Variants in PLD5 observed in about 807,000 individuals in gnomAD.
PLD5 encodes inactive phospholipase D5.
PLD5 carries 36 observed loss-of-function variants against 61.1 expected under a neutral mutation model. The observed-to-expected ratio is 0.59, with a 90% CI of 0.45 to 0.78. The LOEUF (loss-of-function observed/expected upper bound fraction) is 0.78. PLD5 is among the 30% of genes least tolerant of loss of function. The probability of loss-of-function intolerance (pLI) is 0.00; values close to 1 mark genes in which losing one functional copy is unlikely to be tolerated. For missense variants in PLD5, 515 were observed against 644.4 expected (o/e 0.80, Z 2.17); for synonymous variants, 243 against 242.8 (o/e 1.00, Z -0.01).
intron 1 of PLD5, among the ~76,000 whole-genome samples, chr1:242,387,293 G>T (rs1002824999): frequency 6.6e-6 from 1 of 152,130 alleles, no homozygotes; most frequent in East Asian, 1.9e-4. Flanking sequence ...AAATAGTCAA[G>T]ATCCTCCTGA....
chr1:242,400,771 T>C (rs542919247), intron 1 of PLD5, among the ~76,000 whole-genome samples: 6 of 152,186 alleles, frequency 3.9e-5, no homozygotes, highest in Admixed American at 3.3e-4. Flanking sequence ...TATATGCCCA[T>C]GTGCATAAGC....
chr1:242,127,027 A>G (rs2148742677), intron 5 of PLD5, among the ~76,000 whole-genome samples: 1 of 152,362 alleles, frequency 6.6e-6, no homozygotes, highest in Admixed American at 6.5e-5. Context: ...GAAGATATAC[A>G]AATGGCCAAC....
intron 5 of PLD5, among the ~76,000 whole-genome samples, chr1:242,159,897 T>C (rs1665688798): frequency 1.3e-5 from 2 of 152,218 alleles, no homozygotes; most frequent in Non-Finnish European, 2.9e-5. Flanking sequence ...AACTCTAAGA[T>C]TGGGTGCTAT....
intron 5 of PLD5, among the ~76,000 whole-genome samples, chr1:242,219,169 T>C (rs1670407123): frequency 6.6e-6 from 1 of 152,230 alleles, no homozygotes; most frequent in Non-Finnish European, 1.5e-5. Context: ...TAAGCAATGC[T>C]TTATGTCACA....
intron 1 of PLD5, among the ~76,000 whole-genome samples, chr1:242,509,585 G>T (rs2102999163): frequency 6.6e-6 from 1 of 152,234 alleles, no homozygotes; most frequent in East Asian, 1.9e-4. Context: ...TTTTGTTAAA[G>T]AAAATGGGCA....
chr1:242,120,450 G>C (rs1293709875), intron 6 of PLD5, among the ~76,000 whole-genome samples: 1 of 150,624 alleles, frequency 6.6e-6, no homozygotes, highest in Non-Finnish European at 1.5e-5. Flanking sequence ...ACCATGCCCA[G>C]CCTGAATTGT....
intron 1 of PLD5, among the ~76,000 whole-genome samples, chr1:242,512,100 G>C (rs1490647453): frequency 1.3e-5 from 2 of 151,960 alleles, no homozygotes; most frequent in Admixed American, 6.6e-5. Flanking sequence ...ATCAAGGCTG[G>C]CCGGCCTTTA....
At chr1:242,329,174 C>T (rs1048383281) in intron 2 of PLD5, among the ~76,000 whole-genome samples, 8 of 152,164 alleles carry the variant, frequency 5.3e-5, no homozygotes, top group African/African-American at 1.4e-4. Context: ...CCACACCTGG[C>T]TAATTTTTAT....
chr1:242,414,549 T>A (rs1664721150), intron 1 of PLD5, among the ~76,000 whole-genome samples: 1 of 152,180 alleles, frequency 6.6e-6, no homozygotes, highest in Non-Finnish European at 1.5e-5. Context: ...AAGGAAAGAT[T>A]AGAGACTAAG....
chr1:242,246,800 CCTGAGAAAGCGTG>C (rs1237706891), intron 4 of PLD5, among the ~76,000 whole-genome samples: 10 of 151,994 alleles, frequency 6.6e-5, no homozygotes, highest in African/African-American at 9.7e-5. Flanking sequence ...CTCAAGACGT[CCTGAGAAAGCGTG>C]CTTGCAGTGG....
intron 2 of PLD5, among the ~76,000 whole-genome samples, chr1:242,335,928 G>T (rs968260857): frequency 1.3e-5 from 2 of 152,112 alleles, no homozygotes; most frequent in African/African-American, 4.8e-5. Context: ...TATTTATTTT[G>T]TTACTAATAC....
intron 3 of PLD5, among the ~76,000 whole-genome samples, chr1:242,281,675 A>T (rs1482721423): frequency 6.6e-6 from 1 of 152,168 alleles, no homozygotes; most frequent in Non-Finnish European, 1.5e-5. Context: ...AGGTAAAAAA[A>T]GGTATTCTTA....
chr1:242,407,956 G>C (rs1664337631), intron 1 of PLD5, among the ~76,000 whole-genome samples: 1 of 152,276 alleles, frequency 6.6e-6, no homozygotes, highest in Non-Finnish European at 1.5e-5. Flanking sequence ...ATAAGTCTTT[G>C]AGATTCTTCT....
At chr1:242,415,801 G>A (rs6429352) in intron 1 of PLD5, among the ~76,000 whole-genome samples, 60,963 of 151,946 alleles carry the variant, frequency 0.4, 12,840 homozygotes, top group African/African-American at 0.53. Context: ...GAGCCACTGC[G>A]CTGGGCCAAG....
At chr1:242,269,217 C>T (rs975004261) in intron 3 of PLD5, among the ~76,000 whole-genome samples, 1 of 152,164 alleles carries the variant, frequency 6.6e-6, no homozygotes, top group African/African-American at 2.4e-5. Flanking sequence ...AAATCTTGCC[C>T]TTTCTAGTAA....
chr1:242,257,350 G>T (rs1673127736), intron 4 of PLD5, among the ~76,000 whole-genome samples: 1 of 152,128 alleles, frequency 6.6e-6, no homozygotes, highest in African/African-American at 2.4e-5. Flanking sequence ...AGAAGGGAGG[G>T]GGAAGAAAAT....
chr1:242,458,943 G>A (rs1176169594), intron 1 of PLD5, among the ~76,000 whole-genome samples: 1 of 152,092 alleles, frequency 6.6e-6, no homozygotes, highest in Non-Finnish European at 1.5e-5. Flanking sequence ...ATAATAATGG[G>A]CTTCATTGCT....
intron 2 of PLD5, among the ~76,000 whole-genome samples, chr1:242,321,597 G>T (rs1356268765): frequency 6.6e-6 from 1 of 151,980 alleles, no homozygotes; most frequent in Non-Finnish European, 1.5e-5. Flanking sequence ...CAGCCACCAC[G>T]CCCGGCCCCA....
At chr1:242,129,318 G>A (rs891688928) in intron 5 of PLD5, among the ~76,000 whole-genome samples, 8 of 152,158 alleles carry the variant, frequency 5.3e-5, no homozygotes, top group Non-Finnish European at 1.2e-4. Flanking sequence ...GCCAAGCACT[G>A]CCCTCTAGAG....
Sources: allele counts gnomAD v4.1 joint callset (sites outside exome capture counted in the v4.1 genomes callset), GRCh38; gene constraint gnomAD v4.1.1; transcripts MANE v1.5; gene names NCBI Gene and HGNC (gene_info 2026-07-23, HGNC 2026-07-21).